EPC2: variants seen among roughly 807,000 people sequenced by gnomAD.
The protein encoded by EPC2 is enhancer of polycomb 2, also known as enhancer of polycomb homolog 2.
A neutral mutation model predicts 92.1 loss-of-function variants in EPC2; 14 were observed. The observed-to-expected ratio is 0.15, with a 90% CI of 0.10 to 0.24. EPC2 has a LOEUF of 0.24. EPC2 is among the 10% of genes least tolerant of loss of function. The pLI, the probability that EPC2 is intolerant of heterozygous loss-of-function variation, is 1.00. For missense variants in EPC2, 755 were observed against 971.5 expected (o/e 0.78, Z 2.96); for synonymous variants, 340 against 334.7 (o/e 1.02, Z -0.17).
intron 4 of EPC2, among the ~76,000 whole-genome samples, chr2:148,754,723 C>T (rs1025898651): frequency 1.3e-5 from 2 of 152,098 alleles, no homozygotes; most frequent in Non-Finnish European, 2.9e-5. Context: ...AATCTTTCTC[C>T]TTTTCTGAGT....
intron 1 of EPC2, 56 bp downstream of exon 1, chr2:148,645,226 A>G: frequency 7.1e-7 from 1 of 1,409,832 alleles, no homozygotes; most frequent in Non-Finnish European, 9.6e-7. Flanking sequence ...CCCCTTTGTC[A>G]GTCGGGCCTC....
At chr2:148,734,774 G>A (rs1314794985) in intron 2 of EPC2, among the ~76,000 whole-genome samples, 1 of 150,704 alleles carries the variant, frequency 6.6e-6, no homozygotes, top group African/African-American at 2.4e-5. Context: ...GAAATCTACA[G>A]TATGTATATA....
At chr2:148,673,032 G>A (rs76745822) in intron 1 of EPC2, among the ~76,000 whole-genome samples, 2,606 of 152,198 alleles carry the variant, frequency 0.017, 70 homozygotes, top group African/African-American at 0.059. Flanking sequence ...GAGCTGTAAC[G>A]TTTCTGCTGA....
chr2:148,775,685 A>ATTAAATAAAATTAAATTTAAT (rs1172513729), intron 10 of EPC2, among the ~76,000 whole-genome samples: 11 of 147,878 alleles, frequency 7.4e-5, no homozygotes, highest in Admixed American at 1.3e-4. Flanking sequence ...ATTTAATTTA[A>ATTAAATAAAATTAAATTTAAT]TTAAATAAAA....
Position 148,738,309 on chromosome 2 carries a change from TC to T in EPC2, c.314-5310del, listed in dbSNP as rs1337305835. On this transcript the variant is annotated intron_variant, in intron 2 of 13. Coordinates refer to ENST00000258484, the MANE Select transcript of EPC2 (RefSeq NM_015630.4). ...TTGAGAGCCAGTTGCTCATCTGTGA[TC>T]CCACAGATACCCTGTGGATTGGAGT... 2.0e-5 allele frequency among the ~76,000 whole-genome samples: 3 copies of T among 152,310 alleles called. No homozygotes were observed. In the East Asian group the frequency reaches 5.8e-4, roughly 29 times the overall value.
chr2:148,733,179 C>G (rs888578313), intron 2 of EPC2, among the ~76,000 whole-genome samples: 2 of 151,708 alleles, frequency 1.3e-5, no homozygotes, highest in Non-Finnish European at 2.9e-5. Flanking sequence ...ATTGTTTTCT[C>G]TGTATATGGA....
At chr2:148,740,687 A>C (rs1358102590) in intron 2 of EPC2, among the ~76,000 whole-genome samples, 1 of 152,156 alleles carries the variant, frequency 6.6e-6, no homozygotes, top group Non-Finnish European at 1.5e-5. Context: ...AAAGATGGTC[A>C]TGCAAAATTT....
chr2:148,783,466 A>G (rs1388616414), intron 11 of EPC2, 131 bp from the exon 12 acceptor site: 1 of 754,000 alleles, frequency 1.3e-6, no homozygotes, highest in Non-Finnish European at 2.0e-6. Context: ...GGAATCGTAG[A>G]TCGCTTAATC....
At chr2:148,674,853 G>C (rs915339762) in intron 1 of EPC2, among the ~76,000 whole-genome samples, 1 of 152,170 alleles carries the variant, frequency 6.6e-6, no homozygotes, top group Admixed American at 6.5e-5. Context: ...ATATTGTACA[G>C]TCAGTATGTT....
chr2:148,652,862 C>T (rs1680715279), intron 1 of EPC2, among the ~76,000 whole-genome samples: 1 of 152,166 alleles, frequency 6.6e-6, no homozygotes, highest in African/African-American at 2.4e-5. Context: ...TGGTTATGAT[C>T]ATCTTGCTTT....
chr2:148,765,160 A>G lies in EPC2; in HGVS notation c.1140+14A>G. On this transcript the variant is annotated intron_variant, in intron 7 of 13. Coordinates refer to ENST00000258484, the MANE Select transcript of EPC2 (RefSeq NM_015630.4). ...GAATTTCCACAGGTGCTTGTTTTAA[A>G]ATATTTTAAAGATATTTCTTCTTAG... The G allele has an allele frequency of 6.6e-7, 1 of 1,511,080 alleles. No homozygotes were observed. The highest frequency in any genetic ancestry group is 8.9e-7 in the Non-Finnish European group (1 of 1,125,226). The allele number at this position is 1,511,080 out of a possible 1,614,324, so 93.6% of individuals were successfully genotyped here.
At chr2:148,743,486 A>T in intron 2 of EPC2, 136 bp from the exon 3 acceptor site, 4 of 580,522 alleles carry the variant, frequency 6.9e-6, no homozygotes, top group Non-Finnish European at 1.1e-5. Flanking sequence ...CTCTGAAATT[A>T]ATTGTGGATA....
intron 2 of EPC2, among the ~76,000 whole-genome samples, chr2:148,708,535 C>T (rs536475282): frequency 5.3e-4 from 81 of 151,806 alleles, no homozygotes; most frequent in Admixed American, 9.8e-4. Context: ...GGCAGAGACA[C>T]AACAAAAAAG....
chr2:148,770,864 C>G lies in EPC2; in HGVS notation c.1303C>G (p.His435Asp), dbSNP rs1466895184. Residue 435 changes from histidine to aspartate, a missense_variant, in exon 9 of 14, where the codon CAT becomes GAT. Physicochemically the swap from His to Asp is moderately conservative, Grantham distance 81. Transcript: ENST00000258484. ...AGATTTGGATAAGTTGAGGTATAGG[C>G]ATTGCCTTACAACACTTACAGTCCC... ...LADLDKLRYRHCLTTLTVPRR... is the reference protein window; with the variant it reads ...LADLDKLRYRDCLTTLTVPRR... The G allele has an allele frequency of 1.2e-6, 2 of 1,613,748 alleles. No individual in the cohort carries two copies. The highest frequency in any genetic ancestry group is 1.7e-6 in the Non-Finnish European group (2 of 1,179,856).
At position 148,757,388 on chromosome 2, in the gene EPC2, A is replaced by G. The variant is rs1046805210; in HGVS notation, c.666+3255A>G. Among the ~76,000 whole-genome samples the G allele has an allele frequency of 2.0e-5, 3 of 152,074 alleles. No homozygotes were observed. The East Asian group carries it at 5.8e-4, about 29-fold the overall frequency. On this transcript the variant is annotated intron_variant, in intron 4 of 13. Transcript: ENST00000258484. ...GAGACTCCGTCTCAAAACAAAATAT[A>G]TATATATTGATATAGTTAGAAATAG...
chr2:148,782,087 A>G (rs189383986), intron 11 of EPC2, among the ~76,000 whole-genome samples: 3 of 152,146 alleles, frequency 2.0e-5, no homozygotes, highest in Non-Finnish European at 2.9e-5. Flanking sequence ...CACTCCCCCA[A>G]AGATTTTTTT....
At chr2:148,737,786 C>A (rs1438384563) in intron 2 of EPC2, among the ~76,000 whole-genome samples, 3 of 151,744 alleles carry the variant, frequency 2.0e-5, no homozygotes, top group African/African-American at 7.3e-5. Context: ...ATAAAATACA[C>A]TAACAGTAAT....
At chr2:148,693,314 A>G (rs1048038007) in intron 2 of EPC2, among the ~76,000 whole-genome samples, 11 of 152,154 alleles carry the variant, frequency 7.2e-5, no homozygotes, top group Non-Finnish European at 4.4e-5. Context: ...GTTCAGGTTC[A>G]TCACATACTT....
rs568448372 is a variant in EPC2 at position 148,775,840 on chromosome 2, C to T, written c.1720+4453C>T. Among the ~76,000 whole-genome samples, 12 of 134,550 alleles carry T rather than the reference C, an allele frequency of 8.9e-5. No individual in the cohort carries two copies. In the South Asian group the frequency reaches 1.2e-3, roughly 13 times the overall value. 88.3% of individuals were successfully genotyped at this position (134,550 alleles called of 152,430 possible). A position where few individuals can be genotyped will look rare whatever the true frequency, so the allele number is the denominator to read the frequency against. ...TTACCCAGGCTGGAGTACAGTGGCACGATCTCGGCTCACTGCAAGCTCTGC... is the reference window on the plus strand; with the variant it reads ...TTACCCAGGCTGGAGTACAGTGGCATGATCTCGGCTCACTGCAAGCTCTGC... On this transcript the variant is annotated intron_variant, in intron 10 of 13. Coordinates refer to ENST00000258484, the MANE Select transcript of EPC2 (RefSeq NM_015630.4).
Sources: allele counts gnomAD v4.1 joint callset (sites outside exome capture counted in the v4.1 genomes callset), GRCh38; gene constraint gnomAD v4.1.1; transcripts MANE v1.5; gene names NCBI Gene and HGNC (gene_info 2026-07-23, HGNC 2026-07-21).